Variants in CALN1 observed in about 807,000 individuals in gnomAD.
CALN1 encodes calcium-binding protein 8.
CALN1 carries 17 observed loss-of-function variants against 30.6 expected under a neutral mutation model. The observed-to-expected ratio is 0.56, with a 90% CI of 0.38 to 0.83. CALN1 has a LOEUF of 0.83. Among genes scored for constraint, CALN1 ranks in the 40% least tolerant of loss-of-function variants. CALN1 has a pLI of 0.00. For synonymous variants in CALN1, 156 were observed against 131.4 expected (o/e 1.19, Z -1.28); for missense variants, 291 against 354.9 (o/e 0.82, Z 1.45).
chr7:72,306,611 A>G, intron 2 of CALN1, among the ~76,000 whole-genome samples: 1 of 149,200 alleles, frequency 6.7e-6, no homozygotes, highest in Admixed American at 6.7e-5. Context: ...ATAAACTCTC[A>G]TTCCTGCTCT....
intron 2 of CALN1, among the ~76,000 whole-genome samples, chr7:72,282,990 C>T (rs747136018): frequency 5.6e-4 from 82 of 147,266 alleles, no homozygotes; most frequent in Middle Eastern, 7.4e-3. Flanking sequence ...CGGGAGTGGA[C>T]GTTGCAATGA....
intron 4 of CALN1, among the ~76,000 whole-genome samples, chr7:72,072,890 T>C (rs1027891524): frequency 6.6e-6 from 1 of 151,892 alleles, no homozygotes; most frequent in East Asian, 1.9e-4. Context: ...ACAAAGAAAA[T>C]AGACATAAAA....
chr7:71,849,558 A>T (rs887458016), intron 5 of CALN1, among the ~76,000 whole-genome samples: 1 of 151,938 alleles, frequency 6.6e-6, no homozygotes, highest in Non-Finnish European at 1.5e-5. Flanking sequence ...TGCTATTTTA[A>T]ATCTATCTAA....
chr7:72,023,930 G>GA (rs1281168964), intron 4 of CALN1, among the ~76,000 whole-genome samples, 161 bp from the exon 5 acceptor site: 1 of 152,164 alleles, frequency 6.6e-6, no homozygotes, highest in Non-Finnish European at 1.5e-5. Flanking sequence ...TTCAATGACT[G>GA]AAAGTACCAC....
chr7:72,148,625 C>T (rs1212093653), intron 3 of CALN1, among the ~76,000 whole-genome samples: 4 of 150,806 alleles, frequency 2.7e-5, no homozygotes, highest in Non-Finnish European at 5.9e-5. Flanking sequence ...AAAAAAGAGG[C>T]TGGGCATGGT....
chr7:72,044,599 C>CTTTTTTTTTT lies in CALN1; in HGVS notation c.389-20840_389-20831dup, dbSNP rs549079139. On this transcript the variant is annotated intron_variant, in intron 4 of 6. Coordinates refer to ENST00000395275, the MANE Select transcript of CALN1 (RefSeq NM_031468.4). ...TTCAGAGAATAATTTCCGCTTAAAA[C>CTTTTTTTTTT]TTTTTTTTTTTTTTTTTTTTTTTTT... Among the ~76,000 whole-genome samples the CTTTTTTTTTT allele has an allele frequency of 1.8e-3, 178 of 96,674 alleles. 4 individuals are homozygous for CTTTTTTTTTT. The highest frequency in any genetic ancestry group is 7.0e-3 in the African/African-American group (172 of 24,452). The allele number at this position is 96,674 out of a possible 152,430, so 63.4% of individuals were successfully genotyped here.
chr7:72,223,010 G>C (rs1255305233), intron 3 of CALN1, among the ~76,000 whole-genome samples: 3 of 152,162 alleles, frequency 2.0e-5, no homozygotes, highest in Non-Finnish European at 4.4e-5. Flanking sequence ...GACAAAGCAA[G>C]ACCTTGTCTC....
intron 3 of CALN1, among the ~76,000 whole-genome samples, chr7:72,168,617 A>T (rs7799436): frequency 0.25 from 38,425 of 151,886 alleles, 6,030 homozygotes; most frequent in East Asian, 0.67. Context: ...ACTGTAACTA[A>T]AAAAGTAAAA....
intron 4 of CALN1, among the ~76,000 whole-genome samples, chr7:72,098,874 C>T (rs1261736600): frequency 2.0e-5 from 3 of 151,928 alleles, no homozygotes; most frequent in Non-Finnish European, 4.4e-5. Context: ...GCCTGCCTTC[C>T]ATTCTGTCCC....
In CALN1 at chr7:72,360,652, G is replaced by A. The variant is rs1323417217; in HGVS notation, c.119+42599C>T. On this transcript the variant is annotated intron_variant, in intron 2 of 6. Coordinates refer to ENST00000395275, the MANE Select transcript of CALN1 (RefSeq NM_031468.4). ...AAGTTCTAGGGTACACGTGCACAAC[G>A]TGCAGATTTGTTACATATGTATGTA... 3.5e-5 allele frequency among the ~76,000 whole-genome samples: 5 copies of A among 144,802 alleles called. 1 individual carries two copies. Among genetic ancestry groups the A allele is most frequent in the South Asian group, 4.5e-4 (2 of 4,426 alleles). The allele number at this position is 144,802 out of a possible 152,430, so 95.0% of individuals were successfully genotyped here.
chr7:71,907,881 T>G (rs2116981874), intron 5 of CALN1, among the ~76,000 whole-genome samples: 1 of 152,258 alleles, frequency 6.6e-6, no homozygotes, highest in South Asian at 2.1e-4. Flanking sequence ...TATTCAAAGG[T>G]GTTAGATTTG....
chr7:72,345,143 T>C (rs1435190839), intron 2 of CALN1, among the ~76,000 whole-genome samples: 1 of 149,902 alleles, frequency 6.7e-6, no homozygotes, highest in Non-Finnish European at 1.5e-5. Context: ...TAGATACTAT[T>C]ATACAATGCC....
At chr7:71,925,630 T>C (rs1307604279) in intron 5 of CALN1, among the ~76,000 whole-genome samples, 1 of 152,156 alleles carries the variant, frequency 6.6e-6, no homozygotes, top group South Asian at 2.1e-4. Context: ...GACTTCTGGG[T>C]TGACAGATTG....
rs936886315 is a variant in CALN1, at chr7:71,780,533, T to C, written c.*7242A>G. On this transcript the variant is annotated 3_prime_UTR_variant, in exon 7 of 7. Coordinates refer to ENST00000395275, the MANE Select transcript of CALN1 (RefSeq NM_031468.4). ...AGCAGGCACCGCTCAGCACTCAGCA[T>C]CCCTCATTAGCCATTTAAAGGGCTG... is the stretch of plus-strand genomic sequence containing the variant. 6.6e-6 allele frequency: 1 copy of C among 152,156 alleles called. No homozygotes were observed. The highest frequency in any genetic ancestry group is 1.5e-5 in the Non-Finnish European group (1 of 68,068). The allele number at this position is 152,156 out of a possible 1,614,324, so 9.4% of individuals were successfully genotyped here.
At chr7:72,413,224 CATAT>C (rs201159914), upstream of CALN1, among the ~76,000 whole-genome samples, 1,651 of 151,652 alleles carry the variant, frequency 0.011, 81 homozygotes, top group Admixed American at 0.081. Flanking sequence ...CTCATACACA[CATAT>C]ACACTCACAC....
At chr7:72,477,884 G>A in the CALN1 span, among the ~76,000 whole-genome samples, 618 of 152,134 alleles carry the variant, frequency 4.1e-3, 5 homozygotes, top group African/African-American at 0.013. Flanking sequence ...AGGAATACTC[G>A]CCTTTATTCT....
chr7:72,206,929 T>C lies in CALN1; in HGVS notation c.244+71757A>G, dbSNP rs147928471. ...TGAATGAGGTAGGTCCCTGTATTTT[T>C]ATAAGAACCAAAGACTAGTAATCTT... On this transcript the variant is annotated intron_variant, in intron 3 of 6. Transcript: ENST00000395275. Among the ~76,000 whole-genome samples the C allele has an allele frequency of 1.7e-3, 266 of 152,306 alleles. 1 individual carries two copies. The highest frequency in any genetic ancestry group is 5.7e-3 in the African/African-American group (235 of 41,570).
intron 2 of CALN1, among the ~76,000 whole-genome samples, chr7:72,322,952 TTAAA>T (rs1473210489): frequency 6.6e-6 from 1 of 150,394 alleles, no homozygotes; most frequent in Non-Finnish European, 1.5e-5. Context: ...AAAAAAATTT[TTAAA>T]TAAATAAATA....
At chr7:71,957,994 G>A (rs1291223561) in intron 5 of CALN1, among the ~76,000 whole-genome samples, 1 of 149,358 alleles carries the variant, frequency 6.7e-6, no homozygotes, top group Non-Finnish European at 1.5e-5. Context: ...GAACCTGGGA[G>A]GCAGAAGTTG....
Sources: gnomAD v4.1 joint callset for allele counts (sites outside exome capture counted in the v4.1 genomes callset) on GRCh38, gnomAD v4.1.1 for gene constraint, MANE v1.5 for transcripts, NCBI Gene and HGNC (gene_info 2026-07-23, HGNC 2026-07-21) for gene names.